ZNF831: variants seen among roughly 807,000 people sequenced by gnomAD.
ZNF831 encodes chromosome 20 open reading frame 174.
ZNF831 carries 59 observed loss-of-function variants against 95.8 expected under a neutral mutation model. That is an observed-to-expected ratio of 0.62 (90% CI 0.50 to 0.77). The LOEUF is 0.77. Ranked by LOEUF, ZNF831 falls within the 30% of genes least tolerant of loss-of-function variation. The pLI, the probability that ZNF831 is intolerant of heterozygous loss-of-function variation, is 0.00. For missense variants in ZNF831, 2,205 were observed against 2,164.0 expected (o/e 1.02, Z -0.38); for synonymous variants, 961 against 925.5 (o/e 1.04, Z -0.70).
At position 59,148,024 on chromosome 20, in the gene ZNF831, C is replaced by T. The variant is rs556889228; in HGVS notation, c.-1281+1650C>T. On this transcript the variant is annotated intron_variant, in intron 2 of 7. Coordinates refer to the ZNF831 transcript ENST00000637017. ...TTATTAGATCAATAAGAAAGTATGACTACATCATGGACCCTAATTAGAAGA... is the reference window on the plus strand; with the variant it reads ...TTATTAGATCAATAAGAAAGTATGATTACATCATGGACCCTAATTAGAAGA... Among the ~76,000 whole-genome samples, 5 of 152,354 alleles carry T rather than the reference C, an allele frequency of 3.3e-5. No individual in the cohort carries two copies. In the South Asian group the frequency reaches 8.3e-4, roughly 25 times the overall value.
Position 59,250,671 on chromosome 20 carries a change from T to C in ZNF831, c.4028-2307T>C, listed in dbSNP as rs530894738. On this transcript the variant is annotated intron_variant, in intron 4 of 5. Transcript: ENST00000371030. The stretch of plus-strand genomic sequence containing the variant: ...CAACAACAACAACCCATTATTAACA[T>C]TGCCGGGGGTAAAAGAGAGGATGTT... 1.7e-3 allele frequency among the ~76,000 whole-genome samples: 261 copies of C among 152,138 alleles called. 2 individuals are homozygous for C. Among genetic ancestry groups the C allele is most frequent in the African/African-American group, 5.9e-3 (244 of 41,508 alleles).
chr20:59,193,636 G>A lies in ZNF831; in HGVS notation c.2617G>A (p.Ala873Thr), dbSNP rs1487921421. Residue 873 changes from alanine to threonine, a missense_variant, in exon 2 of 6, where the codon GCC (alanine) becomes ACC (threonine). By Grantham distance (58) the Ala-to-Thr change is moderately conservative. Coordinates refer to ENST00000371030, the MANE Select transcript of ZNF831 (RefSeq NM_178457.3). Reference sequence around the variant, plus strand: ...GGTGCCAGGGGGCTCAAAGGAGAGTGCCAGGCAGGTGGGCGAGCCTCTGGA... The same window carrying A: ...GGTGCCAGGGGGCTCAAAGGAGAGTACCAGGCAGGTGGGCGAGCCTCTGGA... ...GEVPGGSKES[A>T]RQVGEPLESS... is the part of the protein sequence containing the mutation. 1.2e-6 allele frequency: 2 copies of A among 1,612,592 alleles called. No homozygotes were observed. The highest frequency in any genetic ancestry group is 1.3e-5 in the African/African-American group (1 of 75,044).
chr20:59,193,412 C>A lies in ZNF831; in HGVS notation c.2393C>A (p.Thr798Asn), dbSNP rs755122600. 4 of 1,599,070 alleles carry A rather than the reference C, an allele frequency of 2.5e-6. No homozygotes were observed. Among genetic ancestry groups the A allele is most frequent in the Non-Finnish European group, 3.4e-6 (4 of 1,173,096 alleles). The change falls in exon 2 of 6, where the codon ACC (threonine) becomes AAC (asparagine). Residue 798 changes from threonine (T) to asparagine (N), a missense_variant. Physicochemically the swap from Thr to Asn is moderately conservative, Grantham distance 65 (BLOSUM62 0). Coordinates refer to ENST00000371030, the MANE Select transcript of ZNF831 (RefSeq NM_178457.3). Reference sequence around the variant, plus strand: ...CGAGGTGTGGGGGATGTTCAGGAGACCTGCCTGTGGGCCCAGACTGTCCTG... The same window carrying A: ...CGAGGTGTGGGGGATGTTCAGGAGAACTGCCTGTGGGCCCAGACTGTCCTG... ...GARGVGDVQE[T>N]CLWAQTVLRW...
In ZNF831 at chr20:59,195,901, C is replaced by T; in HGVS notation, c.3771C>T (p.Pro1257=). The part of the protein sequence containing the change: ...FSYPTVPGVM[P]QHQVSEPEWK... ...ACCCAACAGTCCCAGGGGTGATGCC[C>T]CAGCACCAGGTGTCTGAGCCAGAAT... Residue 1257 remains proline, a synonymous_variant, in exon 3 of 6, where the codon CCC becomes CCT. Coordinates refer to ENST00000371030, the MANE Select transcript of ZNF831 (RefSeq NM_178457.3). 2 of 1,614,124 alleles carry T rather than the reference C, an allele frequency of 1.2e-6. No individual in the cohort carries two copies. The highest frequency in any genetic ancestry group is 1.1e-5 in the South Asian group (1 of 91,068).
chr20:59,138,808 T>C (rs1423764156), intron 1 of ZNF831, among the ~76,000 whole-genome samples: 1 of 152,244 alleles, frequency 6.6e-6, no homozygotes, highest in Non-Finnish European at 1.5e-5. Flanking sequence ...AACAAACGTT[T>C]ATTGTTTTAG....
chr20:59,213,738 G>T (rs1452421324), intron 4 of ZNF831, among the ~76,000 whole-genome samples: 1 of 152,180 alleles, frequency 6.6e-6, no homozygotes, highest in Non-Finnish European at 1.5e-5. Flanking sequence ...GAAAAATCCA[G>T]TGGGTTACCA....
At chr20:59,142,391 C>G (rs1045981302) in intron 1 of ZNF831, among the ~76,000 whole-genome samples, 4 of 152,288 alleles carry the variant, frequency 2.6e-5, no homozygotes, top group Middle Eastern at 3.4e-3. Flanking sequence ...TGTCCTAGGT[C>G]CTGAACAGCC....
intron 4 of ZNF831, among the ~76,000 whole-genome samples, chr20:59,214,935 A>T (rs1026751918): frequency 6.6e-6 from 1 of 152,232 alleles, no homozygotes; most frequent in Non-Finnish European, 1.5e-5. Context: ...CTAATATGAC[A>T]GTTATTGACC....
intron 2 of ZNF831, 71 bp from the exon 3 acceptor site, chr20:59,195,798 A>G: frequency 6.4e-7 from 1 of 1,554,420 alleles, no homozygotes; most frequent in South Asian, 1.2e-5. Flanking sequence ...CTGCAGAGCG[A>G]GAACCCTTTG....
intron 4 of ZNF831, among the ~76,000 whole-genome samples, chr20:59,219,180 A>C (rs760382748): frequency 6.6e-5 from 10 of 152,174 alleles, no homozygotes; most frequent in South Asian, 2.1e-4. Flanking sequence ...TGAGCCACTG[A>C]GTGTCTTTTG....
At chr20:59,197,451 G>A (rs1409520842) in intron 3 of ZNF831, among the ~76,000 whole-genome samples, 1 of 152,146 alleles carries the variant, frequency 6.6e-6, no homozygotes, top group African/African-American at 2.4e-5. Flanking sequence ...TCCTTCCATA[G>A]CCTGTGTGCC....
intron 1 of ZNF831, among the ~76,000 whole-genome samples, chr20:59,137,557 A>C (rs1979549289): frequency 6.6e-6 from 1 of 152,186 alleles, no homozygotes; most frequent in African/African-American, 2.4e-5. Context: ...GTTTCCTTTA[A>C]TTCCGTAGAA....
At chr20:59,147,162 TA>T (rs1979913989) in intron 2 of ZNF831, 1 of 152,292 alleles carries the variant, frequency 6.6e-6, no homozygotes, top group Non-Finnish European at 1.5e-5. Flanking sequence ...TAATGTAATG[TA>T]CATGTAGAAG....
chr20:59,191,461 C>T lies in ZNF831; in HGVS notation c.442C>T (p.His148Tyr), dbSNP rs763622723. 4 of 1,613,086 alleles carry T rather than the reference C, an allele frequency of 2.5e-6. No individual in the cohort carries two copies. The South Asian group carries it at 3.3e-5, about 13-fold the overall frequency. Residue 148 changes from histidine to tyrosine, a missense_variant, in exon 2 of 6, where the codon CAC becomes TAC. His to Tyr is a moderately conservative substitution (Grantham distance 83). Transcript: ENST00000371030. ...GAATGCGGGCAAGTACCTGTGTCCG[C>T]ACTGTGGTCGCGACTGCCTGAAGCC... ...VRNAGKYLCP[H>Y]CGRDCLKPSV...
Position 59,193,334 on chromosome 20 carries a change from A to T in ZNF831, c.2315A>T (p.Asp772Val), listed in dbSNP as rs2146581247. The change falls in exon 2 of 6, where the codon GAT becomes GTT. Residue 772 changes from aspartate (D) to valine (V), a missense_variant. By Grantham distance (152) the Asp-to-Val change is radical. Coordinates refer to ENST00000371030, the MANE Select transcript of ZNF831 (RefSeq NM_178457.3). ...PPAPGPLKGGDVEAPRPVWPD... is the reference protein window; with the variant it reads ...PPAPGPLKGGVVEAPRPVWPD... Reference sequence around the variant, plus strand: ...GCACCTGGCCCCCTCAAAGGGGGTGATGTAGAGGCTCCCAGGCCAGTTTGG... The same window carrying T: ...GCACCTGGCCCCCTCAAAGGGGGTGTTGTAGAGGCTCCCAGGCCAGTTTGG... 1 of 1,613,024 alleles carries T rather than the reference A, an allele frequency of 6.2e-7. No individual in the cohort carries two copies. The highest frequency in any genetic ancestry group is 8.5e-7 in the Non-Finnish European group (1 of 1,179,532).
rs1019728090 is a variant in ZNF831 at position 59,192,015 on chromosome 20, C to T, written c.996C>T (p.Pro332=). The change falls in exon 2 of 6, where the codon CCC becomes CCT. Residue 332 remains proline (P), a synonymous_variant. Coordinates refer to ENST00000371030, the MANE Select transcript of ZNF831 (RefSeq NM_178457.3). The surrounding 1 kb of genome is among the most constrained non-coding windows in gnomAD (Gnocchi z 5.2). The part of the protein sequence containing the change: ...AAEKPWDAKA[P]EGRLRKCEST... Reference sequence around the variant, plus strand: ...AGAAGCCCTGGGATGCCAAGGCCCCCGAGGGCCGGCTGCGGAAGTGTGAGA... The same window carrying T: ...AGAAGCCCTGGGATGCCAAGGCCCCTGAGGGCCGGCTGCGGAAGTGTGAGA... 4 of 1,608,514 alleles carry T rather than the reference C, an allele frequency of 2.5e-6. No individual in the cohort carries two copies. Among genetic ancestry groups the T allele is most frequent in the South Asian group, 1.1e-5 (1 of 90,922 alleles).
At chr20:59,186,092 T>C (rs969330067) in intron 1 of ZNF831, among the ~76,000 whole-genome samples, 3 of 152,214 alleles carry the variant, frequency 2.0e-5, no homozygotes, top group Non-Finnish European at 4.4e-5. Context: ...GGCAGCTCAC[T>C]TGCCCCTGGG....
chr20:59,195,908 C>A lies in ZNF831; in HGVS notation c.3778C>A (p.Gln1260Lys). The change falls in exon 3 of 6, where the codon CAG becomes AAG. Residue 1260 changes from glutamine to lysine, a missense_variant. Coordinates refer to ENST00000371030, the MANE Select transcript of ZNF831 (RefSeq NM_178457.3). Reference sequence around the variant, plus strand: ...AGTCCCAGGGGTGATGCCCCAGCACCAGGTGTCTGAGCCAGAATGGAAGAA... The same window carrying A: ...AGTCCCAGGGGTGATGCCCCAGCACAAGGTGTCTGAGCCAGAATGGAAGAA... ...PTVPGVMPQH[Q>K]VSEPEWKKGL... 6.2e-7 allele frequency: 1 copy of A among 1,614,180 alleles called. No homozygotes were observed. The highest frequency in any genetic ancestry group is 8.5e-7 in the Non-Finnish European group (1 of 1,180,036).
intron 4 of ZNF831, among the ~76,000 whole-genome samples, chr20:59,209,294 C>T (rs1985126245): frequency 6.6e-6 from 1 of 152,188 alleles, no homozygotes; most frequent in South Asian, 2.1e-4. Context: ...ACTGAGTGCC[C>T]ATGAGTGTGC....
Sources: gnomAD v4.1 joint callset for allele counts (sites outside exome capture counted in the v4.1 genomes callset) on GRCh38, gnomAD v4.1.1 for gene constraint, Gnocchi (gnomAD v3.1) non-coding constraint, MANE v1.5 for transcripts, NCBI Gene and HGNC (gene_info 2026-07-23, HGNC 2026-07-21) for gene names.